The following ZDHHC11B variants were observed in gnomAD, a reference collection of about 807,000 sequenced individuals.
ZDHHC11B encodes the protein probable palmitoyltransferase ZDHHC11B.
ZDHHC11B carries 17 observed loss-of-function variants against 42.3 expected under a neutral mutation model. The ratio of observed to expected loss-of-function variants is 0.40; its 90% confidence interval spans 0.27 to 0.60. The LOEUF (loss-of-function observed/expected upper bound fraction) is 0.60. Among genes scored for constraint, ZDHHC11B ranks in the 20% least tolerant of loss-of-function variants. The pLI is 0.41. For synonymous variants in ZDHHC11B, 123 were observed against 193.5 expected (o/e 0.64, Z 3.02); for missense variants, 262 against 463.2 (o/e 0.57, Z 3.99).
At chr5:744,238 C>A (rs1744491636) in intron 9 of ZDHHC11B, among the ~76,000 whole-genome samples, 1 of 149,872 alleles carries the variant, frequency 6.7e-6, no homozygotes, top group South Asian at 2.2e-4. Context: ...AAGGTCTTAT[C>A]AGTGATCTTT....
intron 1 of ZDHHC11B, among the ~76,000 whole-genome samples, chr5:780,836 G>A (rs1318110551): frequency 6.6e-6 from 1 of 152,026 alleles, no homozygotes; most frequent in Non-Finnish European, 1.5e-5. Context: ...CCCCGCCGAG[G>A]GGCAGAGGAA....
chr5:784,179 C>T (rs1470446265), intron 1 of ZDHHC11B, among the ~76,000 whole-genome samples: 1 of 151,186 alleles, frequency 6.6e-6, no homozygotes, highest in African/African-American at 2.4e-5. Context: ...TGGGCCGTTT[C>T]TGTGGCCAGG....
chr5:723,524 ACT>A (rs1449759931), intron 12 of ZDHHC11B, among the ~76,000 whole-genome samples: 1 of 115,714 alleles, frequency 8.6e-6, no homozygotes, highest in African/African-American at 2.9e-5. Flanking sequence ...GTTTCTGATC[ACT>A]CTGCTAAGAG....
chr5:784,655 C>T lies in ZDHHC11B; in HGVS notation c.-230+13G>A, dbSNP rs1386074778. Among the ~76,000 whole-genome samples, 1 of 151,068 alleles carries T rather than the reference C, an allele frequency of 6.6e-6. No homozygotes were observed. Among genetic ancestry groups the T allele is most frequent in the East Asian group, 1.9e-4 (1 of 5,160 alleles). ...GCGCCGCGCCCGCAGGACCGAGCCC[C>T]GCGCCCGCTTACCTTGGAGACGCAG... is the stretch of plus-strand genomic sequence containing the variant. On this transcript the variant is annotated intron_variant, in intron 1 of 13. Coordinates refer to ENST00000508859, the MANE Select transcript of ZDHHC11B (RefSeq NM_001351303.2).
chr5:753,425 G>T (rs183187680), intron 6 of ZDHHC11B, among the ~76,000 whole-genome samples: 2,019 of 130,944 alleles, frequency 0.015, 167 homozygotes, highest in South Asian at 0.042. Flanking sequence ...CACACAGGCG[G>T]TGTCTACACT....
chr5:732,453 G>C (rs1372776292), intron 11 of ZDHHC11B: 8 of 325,464 alleles, frequency 2.5e-5, no homozygotes, highest in African/African-American at 8.7e-5. Flanking sequence ...GCCACATGCA[G>C]TGAGGGAACT....
intron 4 of ZDHHC11B, among the ~76,000 whole-genome samples, chr5:757,768 G>A (rs1256711718): frequency 6.6e-6 from 1 of 151,860 alleles, no homozygotes; most frequent in Non-Finnish European, 1.5e-5. Flanking sequence ...AAGGAGGACA[G>A]GCGAGAATGA....
rs556297083 is a variant in ZDHHC11B, at chr5:745,272, A to G, written c.811T>C (p.Tyr271His). 4 of 1,608,818 alleles carry G rather than the reference A, an allele frequency of 2.5e-6. No individual in the cohort carries two copies. The highest frequency in any genetic ancestry group is 2.2e-5 in the South Asian group (2 of 90,414). Residue 271 changes from tyrosine to histidine, a missense_variant, in exon 9 of 14, where the codon TAT becomes CAT. Tyr to His is a moderately conservative substitution (Grantham distance 83). Transcript: ENST00000508859. ...TCTTCTTTGCGGGTATTAATGAGATACTCAAAGGTGGTCATCTTCTTGGCC... is the reference window on the plus strand; with the variant it reads ...TCTTCTTTGCGGGTATTAATGAGATGCTCAAAGGTGGTCATCTTCTTGGCC... ...LKAKKMTTFE[Y>H]LINTRKEESS...
chr5:752,988 C>T (rs1745976647), intron 6 of ZDHHC11B, among the ~76,000 whole-genome samples: 1 of 72,824 alleles, frequency 1.4e-5, no homozygotes, highest in Non-Finnish European at 2.9e-5. Flanking sequence ...CACGCGGGGC[C>T]TCCTCTCCCC....
chr5:766,838 T>C lies in ZDHHC11B; in HGVS notation c.82A>G (p.Ile28Val), dbSNP rs752307236. The change falls in exon 4 of 14, where the codon ATC becomes GTC. Residue 28 changes from isoleucine to valine, a missense_variant. By Grantham distance (29) the Ile-to-Val change is conservative. Transcript: ENST00000508859. ...AACGACCAGCCGTTCACTCTGGAGA[T>C]GCGGGGCGGCAAGACCAGCTCTTCA... Reference protein sequence around the residue: ...NNEELVLPPRISRVNGWSLPL... With the variant: ...NNEELVLPPRVSRVNGWSLPL... 4 of 1,612,796 alleles carry C rather than the reference T, an allele frequency of 2.5e-6. No homozygotes were observed. In the South Asian group the frequency reaches 4.4e-5, roughly 18 times the overall value.
intron 4 of ZDHHC11B, among the ~76,000 whole-genome samples, chr5:760,033 G>T (rs1277917174): frequency 6.6e-6 from 1 of 151,806 alleles, no homozygotes; most frequent in Non-Finnish European, 1.5e-5. Flanking sequence ...GGCACCAAGT[G>T]CTCCTTTAGA....
intron 4 of ZDHHC11B, among the ~76,000 whole-genome samples, chr5:765,937 T>C (rs1735261348): frequency 6.6e-6 from 1 of 151,938 alleles, no homozygotes; most frequent in African/African-American, 2.4e-5. Context: ...AGGAAGGCTC[T>C]AGTGAGAAAT....
At chr5:745,417 T>C (rs566617393) in intron 8 of ZDHHC11B, 119 bp from the exon 9 acceptor site, 1 of 864,924 alleles carries the variant, frequency 1.2e-6, no homozygotes, top group African/African-American at 1.6e-5. Flanking sequence ...CAGGGAGAAC[T>C]GCTCCGCCCA....
rs954280309 is a variant in ZDHHC11B, at chr5:763,880, C to T, written c.222+2818G>A. ...ATGTCCGAGATTTTTAAAGGTTACT[C>T]GGATACACATGCATGTGAGATATAA... On this transcript the variant is annotated intron_variant, in intron 4 of 13. Coordinates refer to ENST00000508859, the MANE Select transcript of ZDHHC11B (RefSeq NM_001351303.2). 7.2e-5 allele frequency among the ~76,000 whole-genome samples: 11 copies of T among 151,888 alleles called. 1 individual carries two copies. The highest frequency in any genetic ancestry group is 7.2e-4 in the Admixed American group (11 of 15,220).
intron 9 of ZDHHC11B, among the ~76,000 whole-genome samples, chr5:743,291 T>G (rs1334006609): frequency 6.7e-6 from 1 of 149,722 alleles, no homozygotes; most frequent in Non-Finnish European, 1.5e-5. Context: ...CAGCGCCACC[T>G]GTCTTTAGTG....
intron 4 of ZDHHC11B, among the ~76,000 whole-genome samples, chr5:763,435 CAG>C (rs1734885070): frequency 6.6e-6 from 1 of 150,792 alleles, no homozygotes; most frequent in Non-Finnish European, 1.5e-5. Flanking sequence ...AACAAGAAAA[CAG>C]AGAAACAGAA....
At chr5:731,813 A>T (rs1280609059) in intron 11 of ZDHHC11B, 2 of 151,924 alleles carry the variant, frequency 1.3e-5, no homozygotes, top group African/African-American at 4.8e-5. Context: ...TAGGAATGTT[A>T]AAGTTTCCCC....
At chr5:719,347 T>G (rs1375132596) in intron 12 of ZDHHC11B, among the ~76,000 whole-genome samples, 2 of 151,746 alleles carry the variant, frequency 1.3e-5, no homozygotes, top group African/African-American at 4.9e-5. Flanking sequence ...CTCAGACATT[T>G]GAATTACTAG....
At chr5:750,344 T>C (rs1745439790) in intron 7 of ZDHHC11B, among the ~76,000 whole-genome samples, 1 of 134,506 alleles carries the variant, frequency 7.4e-6, no homozygotes, top group South Asian at 2.4e-4. Flanking sequence ...AGGGAGGTCC[T>C]CCCACCTCTG....
Sources: gnomAD v4.1 joint callset for allele counts (sites outside exome capture counted in the v4.1 genomes callset) on GRCh38, gnomAD v4.1.1 for gene constraint, MANE v1.5 for transcripts, NCBI Gene and HGNC (gene_info 2026-07-23, HGNC 2026-07-21) for gene names.